PCBP3: variants seen among roughly 807,000 people sequenced by gnomAD.
PCBP3 encodes poly(rC) binding protein 3, also known as poly(rC)-binding protein 3.
In PCBP3, 25 loss-of-function variants were observed where a neutral mutation model predicts 52.7. That is an observed-to-expected ratio of 0.47 (90% confidence interval 0.35 to 0.66). PCBP3 has a LOEUF of 0.66. Among genes scored for constraint, PCBP3 ranks in the 30% least tolerant of loss-of-function variants. The pLI is 0.01. For missense variants in PCBP3, 391 were observed against 490.3 expected, an observed-to-expected ratio of 0.80 and a Z score of 1.91; for synonymous variants, 162 against 183.0, an observed-to-expected ratio of 0.89 and a Z score of 0.93.
chr21:45,741,089 G>A lies in PCBP3; in HGVS notation c.-162+5660G>A, dbSNP rs918432971. 3.3e-5 allele frequency among the ~76,000 whole-genome samples: 5 copies of A among 152,208 alleles called. No homozygotes were observed. The highest frequency in any genetic ancestry group is 1.2e-4 in the African/African-American group (5 of 41,470). On this transcript the variant is annotated intron_variant, in intron 3 of 17. Coordinates refer to ENST00000681687, the MANE Select transcript of PCBP3 (RefSeq NM_001384156.1). The surrounding 1 kb of genome is among the most constrained non-coding windows in gnomAD (Gnocchi z 4.5). The stretch of plus-strand genomic sequence containing the variant: ...CAGCTCCTCCTTATTTGGCCCCAGA[G>A]CACTGGGAACCTAGGAACAGACACA...
intron 4 of PCBP3, among the ~76,000 whole-genome samples, chr21:45,793,939 A>G (rs548028948): frequency 2.0e-5 from 3 of 152,300 alleles, no homozygotes; most frequent in South Asian, 4.1e-4. Flanking sequence ...AAAGACAACT[A>G]TCTATGAAAG....
At chr21:45,675,907 C>G (rs1429023102) in intron 2 of PCBP3, among the ~76,000 whole-genome samples, 1 of 152,186 alleles carries the variant, frequency 6.6e-6, no homozygotes, top group African/African-American at 2.4e-5. Context: ...AAAAAGCCAA[C>G]AACATTTAAG....
At chr21:45,814,892 A>ATGGGTGGTGAG in intron 4 of PCBP3, among the ~76,000 whole-genome samples, 1 of 78,364 alleles carries the variant, frequency 1.3e-5, no homozygotes, top group Non-Finnish European at 2.5e-5. Context: ...GTGGTGAGTG[A>ATGGGTGGTGAG]TGAGTGGTGA....
intron 2 of PCBP3, among the ~76,000 whole-genome samples, chr21:45,713,311 G>A (rs907235402): frequency 6.6e-6 from 1 of 152,084 alleles, no homozygotes; most frequent in African/African-American, 2.4e-5. Context: ...TCTCTCTCTA[G>A]CTTGACCTAC....
intron 5 of PCBP3, chr21:45,869,415 G>A (rs1444109666): frequency 6.6e-6 from 1 of 152,314 alleles, no homozygotes; most frequent in African/African-American, 2.4e-5. Flanking sequence ...GTCATCTTCA[G>A]CTCCCCCTTC....
chr21:45,747,277 A>C (rs2086985062), intron 3 of PCBP3, among the ~76,000 whole-genome samples: 1 of 152,208 alleles, frequency 6.6e-6, no homozygotes, highest in African/African-American at 2.4e-5. Flanking sequence ...CCCATGATTC[A>C]ATTACCTCCC....
chr21:45,772,418 G>A (rs1277301140), intron 4 of PCBP3, among the ~76,000 whole-genome samples: 2 of 152,084 alleles, frequency 1.3e-5, no homozygotes, highest in Non-Finnish European at 2.9e-5. Flanking sequence ...AGGCTGCATA[G>A]TATTCCTTTG....
chr21:45,684,039 A>G (rs190719501), intron 2 of PCBP3, among the ~76,000 whole-genome samples: 31 of 147,348 alleles, frequency 2.1e-4, no homozygotes, highest in African/African-American at 6.6e-4. Flanking sequence ...CCTGGTCAAC[A>G]TAGAACCCAT....
intron 4 of PCBP3, among the ~76,000 whole-genome samples, chr21:45,833,664 T>G (rs2093508848): frequency 6.6e-6 from 1 of 152,130 alleles, no homozygotes; most frequent in Non-Finnish European, 1.5e-5. Context: ...CCAGGCCTAG[T>G]GTATGCGCCC....
At position 45,837,286 on chromosome 21, in the gene PCBP3, A is replaced by C. The variant is rs1421926175; in HGVS notation, c.-125-12675A>C. 1.3e-5 allele frequency among the ~76,000 whole-genome samples: 2 copies of C among 151,962 alleles called. No individual in the cohort carries two copies. Among genetic ancestry groups the C allele is most frequent in the Non-Finnish European group, 2.9e-5 (2 of 67,980 alleles). On this transcript the variant is annotated intron_variant, in intron 4 of 17. Transcript: ENST00000681687. This position sits in a 1 kb window ranked among gnomAD's most constrained non-coding sequence, Gnocchi z 4.1. ...TGCTCTTGTGCTGTGACTTTGATGC[A>C]CCTCCCGCCAGGGAGGGGATCGTGA...
intron 2 of PCBP3, among the ~76,000 whole-genome samples, chr21:45,681,221 A>G (rs1478233626): frequency 6.6e-6 from 1 of 152,264 alleles, no homozygotes; most frequent in African/African-American, 2.4e-5. Context: ...CATTCAGACC[A>G]TAGCAGCCTC....
chr21:45,847,718 A>G (rs2093845686), intron 4 of PCBP3, among the ~76,000 whole-genome samples: 1 of 152,178 alleles, frequency 6.6e-6, no homozygotes, highest in African/African-American at 2.4e-5. Flanking sequence ...CCCTTTGTGA[A>G]TAAGCTGGTC....
chr21:45,664,290 A>T (rs2080626676), intron 1 of PCBP3, among the ~76,000 whole-genome samples: 1 of 135,718 alleles, frequency 7.4e-6, no homozygotes, highest in Non-Finnish European at 1.6e-5. Context: ...CTAGAAGGCA[A>T]TTGTACAATA....
intron 4 of PCBP3, chr21:45,761,565 T>C (rs1949034936): frequency 6.6e-6 from 1 of 152,296 alleles, no homozygotes; most frequent in Non-Finnish European, 1.5e-5. Context: ...TTGCTTTGTA[T>C]GTTCTCAGAT....
intron 2 of PCBP3, among the ~76,000 whole-genome samples, chr21:45,708,682 G>T (rs1241151830): frequency 6.6e-6 from 1 of 152,228 alleles, no homozygotes; most frequent in Non-Finnish European, 1.5e-5. Flanking sequence ...ATACAATGAG[G>T]GGTTAATCCC....
intron 3 of PCBP3, among the ~76,000 whole-genome samples, chr21:45,745,689 C>A (rs1048839960): frequency 6.6e-6 from 1 of 152,246 alleles, no homozygotes; most frequent in African/African-American, 2.4e-5. Context: ...GCTGGGCAGC[C>A]TTGGGCTCAG....
intron 2 of PCBP3, among the ~76,000 whole-genome samples, chr21:45,674,417 C>T (rs1038197655): frequency 6.6e-6 from 1 of 152,182 alleles, no homozygotes; most frequent in Non-Finnish European, 1.5e-5. Flanking sequence ...TGCACCTGCC[C>T]AAGACCATGA....
At chr21:45,938,878 G>A (rs985853927) in intron 16 of PCBP3, among the ~76,000 whole-genome samples, 2 of 152,204 alleles carry the variant, frequency 1.3e-5, no homozygotes, top group African/African-American at 2.4e-5. Flanking sequence ...TGGCTGGCAG[G>A]GCACCTGTGT....
At chr21:45,715,256 A>G (rs575426874) in intron 2 of PCBP3, among the ~76,000 whole-genome samples, 1 of 152,180 alleles carries the variant, frequency 6.6e-6, no homozygotes, top group African/African-American at 2.4e-5. Flanking sequence ...CTTCGGTGGT[A>G]TCTGCAAGCA....
Sources: allele counts gnomAD v4.1 joint callset (sites outside exome capture counted in the v4.1 genomes callset), GRCh38; gene constraint gnomAD v4.1.1; non-coding constraint Gnocchi (gnomAD v3.1); transcripts MANE v1.5; gene names NCBI Gene and HGNC (gene_info 2026-07-23, HGNC 2026-07-21).